RPTOR: variants seen among roughly 807,000 people sequenced by gnomAD.
RPTOR encodes the protein regulatory associated protein of MTOR complex 1.
A neutral mutation model predicts 169.9 loss-of-function variants in RPTOR; 21 were observed. The observed-to-expected ratio is 0.12, with a 90% CI of 0.09 to 0.18. RPTOR has a LOEUF of 0.18. RPTOR is among the 10% of genes least tolerant of loss of function. The pLI, the probability that RPTOR is intolerant of heterozygous loss-of-function variation, is 1.00. For synonymous variants in RPTOR, 732 were observed against 753.2 expected, an observed-to-expected ratio of 0.97 and a Z score of 0.46; for missense variants, 1,133 against 1,855.9, an observed-to-expected ratio of 0.61 and a Z score of 7.16.
chr17:80,955,744 C>T (rs1001385093), intron 28 of RPTOR, among the ~76,000 whole-genome samples: 7 of 152,102 alleles, frequency 4.6e-5, no homozygotes, highest in African/African-American at 4.8e-5. Flanking sequence ...TGTGTCCTGC[C>T]GAGAGTGTAG....
chr17:80,708,038 A>C lies in RPTOR; in HGVS notation c.507+39A>C, dbSNP rs2066154680. 9 of 1,594,158 alleles carry C rather than the reference A, an allele frequency of 5.6e-6. No homozygotes were observed. Among genetic ancestry groups the C allele is most frequent in the South Asian group, 1.1e-5 (1 of 88,660 alleles). The stretch of plus-strand genomic sequence containing the variant: ...CCAGCTTCCTTCCCGTTTCTGCCAA[A>C]AGCCATGCCAATTGCGGTGGTCGGA... On this transcript the variant is annotated intron_variant, in intron 4 of 33. Transcript: ENST00000306801. The surrounding 1 kb of genome is among the most constrained non-coding windows in gnomAD (Gnocchi z 4.2).
chr17:80,838,114 G>T lies in RPTOR; in HGVS notation c.1212+117G>T, dbSNP rs544235926. 2.1e-4 allele frequency: 164 copies of T among 764,272 alleles called. 3 individuals carry two copies. In the South Asian group the frequency reaches 2.5e-3, roughly 12 times the overall value. The allele number at this position is 764,272 out of a possible 1,614,324, so 47.3% of individuals were successfully genotyped here. On this transcript the variant is annotated intron_variant, in intron 10 of 33. Coordinates refer to ENST00000306801, the MANE Select transcript of RPTOR (RefSeq NM_020761.3). ...CCAGGACTCTCGGGTGTCAGATTTT[G>T]TTCACCTGCCTGGAAAAAATGTAGT...
At chr17:80,897,505 AC>A (rs1165824521) in intron 20 of RPTOR, among the ~76,000 whole-genome samples, 17 of 152,166 alleles carry the variant, frequency 1.1e-4, no homozygotes, top group African/African-American at 3.9e-4. Flanking sequence ...TCTCAGAATG[AC>A]CCTGTGCATG....
chr17:80,769,259 G>A (rs928534688), intron 6 of RPTOR, among the ~76,000 whole-genome samples: 3 of 152,180 alleles, frequency 2.0e-5, no homozygotes, highest in African/African-American at 7.2e-5. Context: ...GGAGACGTTA[G>A]CCTCTTCTTT....
chr17:80,901,571 T>C (rs934267999), intron 20 of RPTOR, among the ~76,000 whole-genome samples: 1 of 152,186 alleles, frequency 6.6e-6, no homozygotes, highest in African/African-American at 2.4e-5. Flanking sequence ...CGTGCTTACC[T>C]AAGTGTTTAG....
At chr17:80,752,249 C>A (rs189530179) in intron 5 of RPTOR, among the ~76,000 whole-genome samples, 5 of 152,288 alleles carry the variant, frequency 3.3e-5, no homozygotes, top group Non-Finnish European at 7.3e-5. Flanking sequence ...AACAAAGGAC[C>A]AGCCTTGATG....
intron 24 of RPTOR, among the ~76,000 whole-genome samples, chr17:80,938,623 G>T (rs1211423868): frequency 6.6e-6 from 1 of 152,212 alleles, no homozygotes; most frequent in African/African-American, 2.4e-5. Flanking sequence ...AAAATGTGCG[G>T]AGGGAGCCAT....
Position 80,711,764 on chromosome 17 carries a change from G to A in RPTOR, c.507+3765G>A, listed in dbSNP as rs1288801468. Among the ~76,000 whole-genome samples, 16 of 20,132 alleles carry A rather than the reference G, an allele frequency of 7.9e-4. 1 individual carries two copies. The highest frequency in any genetic ancestry group is 1.6e-3 in the Non-Finnish European group (16 of 9,706). The allele number at this position is 20,132 out of a possible 152,430, so 13.2% of individuals were successfully genotyped here. On this transcript the variant is annotated intron_variant, in intron 4 of 33. Transcript: ENST00000306801. ...TCAGTCTTTTTTTTTTTTTTTTGAG[G>A]TTAAGTCTCCCTCTGTCGCCAAGGC...
chr17:80,679,103 G>A (rs34135683), intron 3 of RPTOR, among the ~76,000 whole-genome samples: 5 of 151,998 alleles, frequency 3.3e-5, no homozygotes, highest in African/African-American at 4.8e-5. Flanking sequence ...GGTCTCTGCC[G>A]GGCGCAGCGG....
At chr17:80,804,374 G>T in intron 7 of RPTOR, 1 of 152,376 alleles carries the variant, frequency 6.6e-6, no homozygotes. Flanking sequence ...ATTTAGTGTG[G>T]CTGCGTGTGT....
chr17:80,840,164 T>G (rs1467736902), intron 10 of RPTOR, among the ~76,000 whole-genome samples: 1 of 152,148 alleles, frequency 6.6e-6, no homozygotes, highest in Non-Finnish European at 1.5e-5. Flanking sequence ...TCTTAGCTCC[T>G]CCCTTCCCCA....
In RPTOR at chr17:80,580,268, C is replaced by G. The variant is rs116598066; in HGVS notation, c.162+34477C>G. On this transcript the variant is annotated intron_variant, in intron 1 of 33. Transcript: ENST00000306801. ...TTGTTCAGATTTCTGGTTATTTTCT[C>G]AGTATGGTTTCTGGAAGTGATAGAA... is the stretch of plus-strand genomic sequence containing the variant. 2.9e-3 allele frequency among the ~76,000 whole-genome samples: 443 copies of G among 152,226 alleles called. 1 individual carries two copies. Among genetic ancestry groups the G allele is most frequent in the African/African-American group, 0.01 (432 of 41,510 alleles).
chr17:80,604,216 A>G (rs977767642), intron 1 of RPTOR, among the ~76,000 whole-genome samples: 1 of 152,260 alleles, frequency 6.6e-6, no homozygotes, highest in African/African-American at 2.4e-5. Context: ...GTAGTCACAA[A>G]GGGGAAGTAG....
intron 10 of RPTOR, among the ~76,000 whole-genome samples, chr17:80,841,679 C>G (rs758583110): frequency 9.0e-6 from 1 of 110,658 alleles, no homozygotes; most frequent in African/African-American, 3.6e-5. Flanking sequence ...GCAGCTCACA[C>G]TCACCGCACG....
chr17:80,719,494 G>T (rs375345426), intron 4 of RPTOR, among the ~76,000 whole-genome samples: 1 of 152,116 alleles, frequency 6.6e-6, no homozygotes, highest in African/African-American at 2.4e-5. Context: ...CTCAGGGCTC[G>T]TTCCTGTAAA....
At chr17:80,813,431 T>C (rs1457151387) in intron 7 of RPTOR, among the ~76,000 whole-genome samples, 1 of 152,194 alleles carries the variant, frequency 6.6e-6, no homozygotes, top group African/African-American at 2.4e-5. Context: ...ATGACCGACA[T>C]GTGTGTGTGC....
At chr17:80,589,410 CAG>C (rs1480905612) in intron 1 of RPTOR, among the ~76,000 whole-genome samples, 1 of 152,110 alleles carries the variant, frequency 6.6e-6, no homozygotes, top group Non-Finnish European at 1.5e-5. Flanking sequence ...TTGGATCCTC[CAG>C]AGTTTCTTGA....
intron 13 of RPTOR, among the ~76,000 whole-genome samples, chr17:80,864,771 T>C (rs1290473836): frequency 6.6e-6 from 1 of 152,242 alleles, no homozygotes; most frequent in Non-Finnish European, 1.5e-5. Context: ...AAATCTTCTT[T>C]AAAAGATAAT....
chr17:80,787,306 T>C (rs1048923172), intron 6 of RPTOR, among the ~76,000 whole-genome samples: 3 of 152,266 alleles, frequency 2.0e-5, no homozygotes, highest in Non-Finnish European at 4.4e-5. Context: ...TTCCTCCATA[T>C]TGATGTGTGT....
Sources: allele counts gnomAD v4.1 joint callset (sites outside exome capture counted in the v4.1 genomes callset), GRCh38; gene constraint gnomAD v4.1.1; non-coding constraint Gnocchi (gnomAD v3.1); transcripts MANE v1.5; gene names NCBI Gene and HGNC (gene_info 2026-07-23, HGNC 2026-07-21).